Variants in HOMER2 observed in about 807,000 individuals in gnomAD.
HOMER2 encodes the protein homer scaffold protein 2, also known as homer protein homolog 2.
HOMER2 carries 27 observed loss-of-function variants against 47.0 expected under a neutral mutation model. The observed-to-expected ratio is 0.57, with a 90% CI of 0.42 to 0.79. The LOEUF is 0.79. Among genes scored for constraint, HOMER2 ranks in the 30% least tolerant of loss-of-function variants. HOMER2 has a pLI of 0.00. For missense variants in HOMER2, 443 were observed against 435.0 expected (o/e 1.02, Z -0.16); for synonymous variants, 161 against 163.8 (o/e 0.98, Z 0.13).
chr15:82,897,309 A>G (rs8031927), intron 1 of HOMER2, among the ~76,000 whole-genome samples: 93,262 of 151,788 alleles, frequency 0.61, 29,098 homozygotes, highest in African/African-American at 0.72. Context: ...CATGATCCAC[A>G]TGCCTCGGCC....
chr15:82,948,674 G>C (rs1289322161), intron 1 of HOMER2, among the ~76,000 whole-genome samples: 2 of 152,224 alleles, frequency 1.3e-5, no homozygotes, highest in African/African-American at 4.8e-5. Context: ...AGTCTGAAAG[G>C]AAAGAGGAAG....
chr15:82,958,748 G>T (rs2054606100), exon 2 of HOMER2: 1 of 152,566 alleles, frequency 6.6e-6, no homozygotes, highest in Non-Finnish European at 1.5e-5. Context: ...GCAAGGGCCT[G>T]GGAAGCTGCA....
At chr15:82,876,391 A>G (rs558585879) in intron 2 of HOMER2, among the ~76,000 whole-genome samples, 14 of 152,366 alleles carry the variant, frequency 9.2e-5, no homozygotes, top group Admixed American at 8.5e-4. Flanking sequence ...TCAAAGATAC[A>G]AAGATGAATG....
At chr15:82,868,046 A>AT (rs1328483228) in intron 3 of HOMER2, among the ~76,000 whole-genome samples, 22 of 151,980 alleles carry the variant, frequency 1.4e-4, no homozygotes, top group Admixed American at 1.3e-3. Flanking sequence ...TTCTTAAAAA[A>AT]ATATATATAT....
At chr15:82,923,920 G>C (rs1430459303) in intron 1 of HOMER2, among the ~76,000 whole-genome samples, 4 of 152,132 alleles carry the variant, frequency 2.6e-5, no homozygotes, top group Non-Finnish European at 5.9e-5. Context: ...TAAATTTAAG[G>C]GTCATGACTA....
intron 1 of HOMER2, among the ~76,000 whole-genome samples, chr15:82,904,020 T>A (rs937265123): frequency 4.0e-5 from 6 of 151,836 alleles, no homozygotes; most frequent in African/African-American, 1.4e-4. Context: ...ACCTGTAATC[T>A]CAGCTACTCG....
At chr15:82,909,500 G>A (rs2053391999) in intron 1 of HOMER2, among the ~76,000 whole-genome samples, 1 of 152,158 alleles carries the variant, frequency 6.6e-6, no homozygotes, top group Non-Finnish European at 1.5e-5. Flanking sequence ...TACAGAACAG[G>A]TGACTAAGGA....
intron 1 of HOMER2, among the ~76,000 whole-genome samples, chr15:82,937,579 T>C (rs1172373172): frequency 6.6e-6 from 1 of 152,232 alleles, no homozygotes; most frequent in Non-Finnish European, 1.5e-5. Context: ...TCACAGAGGT[T>C]AATAAACTTA....
intron 4 of HOMER2, 43 bp downstream of exon 4, chr15:82,864,124 T>C: frequency 7.6e-7 from 1 of 1,319,874 alleles, no homozygotes; most frequent in Non-Finnish European, 1.1e-6. Flanking sequence ...AGAGTCCCTA[T>C]CACCAACCCC....
At chr15:82,921,915 A>G (rs1423304011) in intron 1 of HOMER2, among the ~76,000 whole-genome samples, 1 of 152,228 alleles carries the variant, frequency 6.6e-6, no homozygotes, top group African/African-American at 2.4e-5. Flanking sequence ...CTGGGATTAT[A>G]CTTTTCATAA....
chr15:82,981,018 C>T (rs2151264082), intron 1 of HOMER2, among the ~76,000 whole-genome samples: 1 of 152,076 alleles, frequency 6.6e-6, no homozygotes, highest in African/African-American at 2.4e-5. Flanking sequence ...TGTTTTGAGA[C>T]TGAAGAAATT....
At chr15:82,952,477 C>T (rs561108860) in intron 1 of HOMER2, 54 bp downstream of exon 1, 2 of 1,139,260 alleles carry the variant, frequency 1.8e-6, no homozygotes, top group Non-Finnish European at 2.2e-6. Flanking sequence ...CAGCCGCGGC[C>T]CCGCAGTCCC....
At chr15:82,879,391 G>A (rs535675588) in intron 2 of HOMER2, among the ~76,000 whole-genome samples, 5 of 152,310 alleles carry the variant, frequency 3.3e-5, no homozygotes, top group Admixed American at 2.6e-4. Context: ...AGCTACTCAG[G>A]GGGCTGAGGC....
At chr15:82,979,888 A>G (rs751352128) in intron 1 of HOMER2, among the ~76,000 whole-genome samples, 1 of 152,104 alleles carries the variant, frequency 6.6e-6, no homozygotes, top group Non-Finnish European at 1.5e-5. Flanking sequence ...AGTATTTATG[A>G]GTCTAGAGCT....
intron 3 of HOMER2, among the ~76,000 whole-genome samples, chr15:82,866,706 A>G (rs1028600509): frequency 6.6e-6 from 1 of 152,124 alleles, no homozygotes; most frequent in African/African-American, 2.4e-5. Flanking sequence ...AAGTCTCAGG[A>G]GATCTGATGG....
intron 1 of HOMER2, among the ~76,000 whole-genome samples, chr15:82,970,590 T>C (rs1023736406): frequency 2.6e-5 from 4 of 152,254 alleles, no homozygotes; most frequent in African/African-American, 7.2e-5. Flanking sequence ...GGAGACTCTA[T>C]AGTTGTGTTT....
chr15:82,977,051 T>G (rs768995770), intron 1 of HOMER2, among the ~76,000 whole-genome samples: 3 of 151,940 alleles, frequency 2.0e-5, no homozygotes, highest in Non-Finnish European at 2.9e-5. Flanking sequence ...GCAATGTTTG[T>G]GGGGTGAAAA....
chr15:82,984,323 C>T (rs1283644906), intron 1 of HOMER2, among the ~76,000 whole-genome samples: 1 of 152,196 alleles, frequency 6.6e-6, no homozygotes, highest in African/African-American at 2.4e-5. Context: ...TGAGCCACCG[C>T]ACCCGGCCTT....
intron 5 of HOMER2, among the ~76,000 whole-genome samples, chr15:82,856,327 T>C (rs547104827): frequency 6.6e-6 from 1 of 152,110 alleles, no homozygotes; most frequent in East Asian, 1.9e-4. Context: ...CAAAAACAGC[T>C]CTCAGTTGGG....
Sources: gnomAD v4.1 joint callset for allele counts (sites outside exome capture counted in the v4.1 genomes callset) on GRCh38, gnomAD v4.1.1 for gene constraint, MANE v1.5 for transcripts, NCBI Gene and HGNC (gene_info 2026-07-23, HGNC 2026-07-21) for gene names.